SIRPA: variants seen among roughly 807,000 people sequenced by gnomAD.
SIRPA encodes the protein tyrosine-protein phosphatase non-receptor type substrate 1.
In SIRPA, 9 loss-of-function variants were observed where a neutral mutation model predicts 50.3. That is an observed-to-expected ratio of 0.18 (90% CI 0.11 to 0.31). The LOEUF (loss-of-function observed/expected upper bound fraction) is 0.31, where lower values mean the gene tolerates loss of function less well. SIRPA is among the 10% of genes least tolerant of loss of function. SIRPA has a pLI of 1.00. For synonymous variants in SIRPA, 265 were observed against 284.1 expected (o/e 0.93, Z 0.68); for missense variants, 474 against 661.6 (o/e 0.72, Z 3.11).
chr20:1,901,812 G>C (rs1487420476), intron 1 of SIRPA, among the ~76,000 whole-genome samples: 1 of 152,160 alleles, frequency 6.6e-6, no homozygotes, highest in Non-Finnish European at 1.5e-5. Context: ...TTAGCGCCAA[G>C]AGCCCAAGGA....
intron 1 of SIRPA, among the ~76,000 whole-genome samples, chr20:1,897,031 A>T (rs577461969): frequency 6.6e-6 from 1 of 152,300 alleles, no homozygotes; most frequent in South Asian, 2.1e-4. Context: ...GTTAATTTCT[A>T]AATGTCTATT....
chr20:1,922,048 A>T (rs1213702427), intron 3 of SIRPA, among the ~76,000 whole-genome samples: 1 of 152,138 alleles, frequency 6.6e-6, no homozygotes. Flanking sequence ...CAACATTCCA[A>T]CTGCATGCCA....
chr20:1,901,869 G>A (rs1295779242), intron 1 of SIRPA, among the ~76,000 whole-genome samples: 2 of 152,152 alleles, frequency 1.3e-5, no homozygotes, highest in Non-Finnish European at 1.5e-5. Context: ...GGGAGTGAGC[G>A]ATGGGCCTCC....
Position 1,895,686 on chromosome 20 carries a change from C to T in SIRPA, c.79+160C>T, listed in dbSNP as rs1983759286. On this transcript the variant is annotated intron_variant, in intron 1 of 7. Transcript: ENST00000358771. ...GCAGAAACTGAGGCCCAGAGAGGGC[C>T]AGCGACATGCCCAAGGTCACACAGC... Among the ~76,000 whole-genome samples the T allele has an allele frequency of 2.0e-5, 3 of 152,218 alleles. 1 individual carries two copies. In the South Asian group the frequency reaches 6.2e-4, roughly 32 times the overall value.
chr20:1,918,180 G>A (rs1267586832), intron 2 of SIRPA, among the ~76,000 whole-genome samples: 1 of 145,792 alleles, frequency 6.9e-6, no homozygotes, highest in Non-Finnish European at 1.5e-5. Context: ...CCAAATCAAG[G>A]TTTTTTGTTT....
In SIRPA at chr20:1,898,897, C is replaced by T. The variant is rs1195982079; in HGVS notation, c.79+3371C>T. 6.6e-6 allele frequency among the ~76,000 whole-genome samples: 1 copy of T among 152,110 alleles called. No homozygotes were observed. Among genetic ancestry groups the T allele is most frequent in the African/African-American group, 2.4e-5 (1 of 41,420 alleles). ...CTGTGAGAGCCCCCCATCTGGGCTG[C>T]TGAGCTCTGGAGCCCCCAGAGCTGG... On this transcript the variant is annotated intron_variant, in intron 1 of 7. Coordinates refer to ENST00000358771, the MANE Select transcript of SIRPA (RefSeq NM_001040023.2). The surrounding 1 kb of genome is among the most constrained non-coding windows in gnomAD (Gnocchi z 4.3).
chr20:1,907,846 G>T (rs1449969950), intron 1 of SIRPA, among the ~76,000 whole-genome samples: 1 of 152,234 alleles, frequency 6.6e-6, no homozygotes, highest in Non-Finnish European at 1.5e-5. Context: ...AGTCCTGGCT[G>T]TTGGAGCCCC....
intron 7 of SIRPA, among the ~76,000 whole-genome samples, chr20:1,935,782 G>A (rs945823744): frequency 5.9e-5 from 9 of 152,220 alleles, no homozygotes; most frequent in African/African-American, 1.9e-4. Flanking sequence ...GAGCCAGACA[G>A]TCACAGCCCA....
At chr20:1,911,290 T>C (rs935578562) in intron 1 of SIRPA, among the ~76,000 whole-genome samples, 18 of 152,194 alleles carry the variant, frequency 1.2e-4, no homozygotes, top group Non-Finnish European at 2.5e-4. Flanking sequence ...AAAGGTATGA[T>C]GTTAGATTGT....
At position 1,903,491 on chromosome 20, in the gene SIRPA, C is replaced by T. The variant is rs1461683146; in HGVS notation, c.79+7965C>T. Among the ~76,000 whole-genome samples the T allele has an allele frequency of 5.9e-5, 9 of 152,322 alleles. No homozygotes were observed. The East Asian group carries it at 1.4e-3, about 23-fold the overall frequency. On this transcript the variant is annotated intron_variant, in intron 1 of 7. Transcript: ENST00000358771. ...CGCAGCCGTCCTTGCCCCCTTCGGG[C>T]TCTTCACCCATAGCAGCTGGAGTGA...
chr20:1,912,924 G>A (rs28546378), intron 1 of SIRPA, among the ~76,000 whole-genome samples: 12,387 of 152,252 alleles, frequency 0.081, 607 homozygotes, highest in African/African-American at 0.13. Context: ...TGATGTCCCC[G>A]CCTGGATGGG....
chr20:1,911,750 G>A (rs572129374), intron 1 of SIRPA, among the ~76,000 whole-genome samples: 7 of 152,220 alleles, frequency 4.6e-5, no homozygotes, highest in African/African-American at 1.2e-4. Flanking sequence ...CCGGCAGTGC[G>A]TGGGAATGCC....
In SIRPA at chr20:1,895,481, G is replaced by A; in HGVS notation, c.34G>A (p.Gly12Arg). ...EPAGPAPGRL[G>R]PLLCLLLAAS... Reference sequence around the variant, plus strand: ...CGCCGGCCCGGCCCCCGGCCGCCTCGGGCCGCTGCTCTGCCTGCTGCTCGC... The same window carrying A: ...CGCCGGCCCGGCCCCCGGCCGCCTCAGGCCGCTGCTCTGCCTGCTGCTCGC... Residue 12 changes from glycine (G) to arginine (R), a missense_variant, in exon 1 of 8, where the codon GGG (glycine) becomes AGG (arginine). Coordinates refer to ENST00000358771, the MANE Select transcript of SIRPA (RefSeq NM_001040023.2). 6.9e-7 allele frequency: 1 copy of A among 1,440,622 alleles called. No individual in the cohort carries two copies. The highest frequency in any genetic ancestry group is 2.9e-5 in the Admixed American group (1 of 34,364). The allele number at this position is 1,440,622 out of a possible 1,614,324, so 89.2% of individuals were successfully genotyped here.
At chr20:1,912,026 A>G (rs1447957190) in intron 1 of SIRPA, among the ~76,000 whole-genome samples, 1 of 152,014 alleles carries the variant, frequency 6.6e-6, no homozygotes, top group Non-Finnish European at 1.5e-5. Flanking sequence ...CTTACGTCGC[A>G]CTTTTAAAAT....
chr20:1,930,881 C>T (rs1018587291), intron 6 of SIRPA, among the ~76,000 whole-genome samples: 5 of 152,210 alleles, frequency 3.3e-5, no homozygotes, highest in Admixed American at 3.3e-4. Flanking sequence ...TAAGCCACTG[C>T]GCCCGGCCCT....
Position 1,921,302 on chromosome 20 carries a change from T to G in SIRPA, c.437-93T>G, listed in dbSNP as rs1985634026. On this transcript the variant is annotated intron_variant, in intron 2 of 7. Transcript: ENST00000358771. ...TCCACATTATTGGAAGGATAAAAAATAATGTCTCAGAAGGTTCTTAACGTG... is the reference window on the plus strand; with the variant it reads ...TCCACATTATTGGAAGGATAAAAAAGAATGTCTCAGAAGGTTCTTAACGTG... The G allele has an allele frequency of 2.3e-5, 36 of 1,595,384 alleles. No individual in the cohort carries two copies. In the South Asian group the frequency reaches 4.0e-4, roughly 18 times the overall value.
Position 1,924,784 on chromosome 20 carries a change from C to T in SIRPA, c.1108C>T (p.Arg370Trp), listed in dbSNP as rs200858478. 149 of 1,613,930 alleles carry T rather than the reference C, an allele frequency of 9.2e-5. No individual in the cohort carries two copies. Among genetic ancestry groups the T allele is most frequent in the Non-Finnish European group, 1.1e-4 (126 of 1,179,990 alleles). ...TAAENTGSNE[R>W]NIYIVVGVVC... is the part of the protein sequence containing the mutation. ...CCTAGAGAACACTGGATCTAATGAACGGAACATCTATATTGTGGTGGGTGT... is the reference window on the plus strand; with the variant it reads ...CCTAGAGAACACTGGATCTAATGAATGGAACATCTATATTGTGGTGGGTGT... Residue 370 changes from arginine to tryptophan, a missense_variant, in exon 5 of 8, where the codon CGG becomes TGG. Coordinates refer to ENST00000358771, the MANE Select transcript of SIRPA (RefSeq NM_001040023.2). This position sits in a 1 kb window ranked among gnomAD's most constrained non-coding sequence, Gnocchi z 4.5.
intron 1 of SIRPA, among the ~76,000 whole-genome samples, chr20:1,914,838 ACT>A (rs138304215): frequency 0.41 from 61,752 of 151,378 alleles, 12,863 homozygotes; most frequent in East Asian, 0.66. Context: ...CTCAGATGTG[ACT>A]CTTCCAGAGA....
chr20:1,901,671 C>T (rs1244346204), intron 1 of SIRPA, among the ~76,000 whole-genome samples: 1 of 152,182 alleles, frequency 6.6e-6, no homozygotes, highest in African/African-American at 2.4e-5. Context: ...AGGTGTCTTG[C>T]CAGGCCCTCA....
Sources: allele counts gnomAD v4.1 joint callset (sites outside exome capture counted in the v4.1 genomes callset), GRCh38; gene constraint gnomAD v4.1.1; non-coding constraint Gnocchi (gnomAD v3.1); transcripts MANE v1.5; gene names NCBI Gene and HGNC (gene_info 2026-07-23, HGNC 2026-07-21).